The following CYP2J2 variants were observed in gnomAD, a reference collection of about 807,000 sequenced individuals.
CYP2J2 encodes cytochrome P450 family 2 subfamily J member 2, also known as cytochrome P450 2J2.
In CYP2J2, 41 loss-of-function variants were observed where a neutral mutation model predicts 48.8. The ratio of observed to expected loss-of-function variants is 0.84; its 90% CI spans 0.66 to 1.09. The LOEUF (loss-of-function observed/expected upper bound fraction) is 1.09. CYP2J2 is among the 50% of genes least tolerant of loss of function. CYP2J2 has a pLI of 0.00. For synonymous variants in CYP2J2, 221 were observed against 227.1 expected (o/e 0.97, Z 0.24); for missense variants, 644 against 617.3 (o/e 1.04, Z -0.46).
Position 59,909,767 on chromosome 1 carries a change from G to T in CYP2J2, c.861+17C>A, listed in dbSNP as rs2102121441. 3.2e-6 allele frequency: 5 copies of T among 1,557,758 alleles called. No homozygotes were observed. The highest frequency in any genetic ancestry group is 1.7e-4 in the Middle Eastern group (1 of 5,718). On this transcript the variant is annotated intron_variant, in intron 5 of 8. Transcript: ENST00000371204. ...GTGCTCTAAGAACAAAATACAAAAT[G>T]ACTTTGGTTTTCTCACCTTTGACAT...
the CYP2J2 span, among the ~76,000 whole-genome samples, chr1:59,966,247 A>G: frequency 1.3e-5 from 2 of 152,254 alleles, no homozygotes; most frequent in African/African-American, 2.4e-5. Context: ...TAAACTTTTC[A>G]TTAGAGCACT....
the CYP2J2 span, among the ~76,000 whole-genome samples, chr1:59,940,913 T>C: frequency 6.6e-6 from 1 of 152,180 alleles, no homozygotes. Flanking sequence ...CCCACTCATA[T>C]GTGGGAGCTT....
chr1:59,900,349 C>T (rs1247280303), intron 8 of CYP2J2, among the ~76,000 whole-genome samples: 4 of 152,154 alleles, frequency 2.6e-5, no homozygotes, highest in Non-Finnish European at 4.4e-5. Flanking sequence ...AGCACCCGAC[C>T]GGGTGTGGTG....
At chr1:59,896,343 T>C (rs536956801) in intron 8 of CYP2J2, among the ~76,000 whole-genome samples, 17 of 151,424 alleles carry the variant, frequency 1.1e-4, no homozygotes, top group African/African-American at 3.9e-4. Context: ...TATATATATA[T>C]ACACCAAATA....
chr1:59,915,088 C>G (rs1644452986), intron 2 of CYP2J2, among the ~76,000 whole-genome samples: 1 of 152,198 alleles, frequency 6.6e-6, no homozygotes, highest in Non-Finnish European at 1.5e-5. Flanking sequence ...ATTTGTGACA[C>G]AGATTCCTTT....
At chr1:59,945,607 C>T in the CYP2J2 span, among the ~76,000 whole-genome samples, 1 of 151,936 alleles carries the variant, frequency 6.6e-6, no homozygotes, top group Non-Finnish European at 1.5e-5. Flanking sequence ...AGACTTAGTC[C>T]CCATACTTCC....
At chr1:59,911,247 G>A (rs1344184167) in intron 4 of CYP2J2, among the ~76,000 whole-genome samples, 2 of 152,152 alleles carry the variant, frequency 1.3e-5, no homozygotes, top group Non-Finnish European at 2.9e-5. Flanking sequence ...GGATACAGAA[G>A]AGAACCTCTG....
chr1:59,961,401 T>G, the CYP2J2 span, among the ~76,000 whole-genome samples: 6 of 152,080 alleles, frequency 3.9e-5, no homozygotes, highest in African/African-American at 1.4e-4. Flanking sequence ...ATTAGGAAAA[T>G]GCAAATCAAA....
chr1:59,963,588 T>G, the CYP2J2 span, among the ~76,000 whole-genome samples: 1 of 152,234 alleles, frequency 6.6e-6, no homozygotes, highest in Non-Finnish European at 1.5e-5. Flanking sequence ...ATTTATCTAT[T>G]GATGGACATT....
At chr1:59,906,175 G>GA (rs1472978939) in intron 6 of CYP2J2, among the ~76,000 whole-genome samples, 1 of 152,112 alleles carries the variant, frequency 6.6e-6, no homozygotes, top group Admixed American at 6.5e-5. Context: ...GACAGAGCGA[G>GA]AAAAAAGAAT....
At chr1:59,910,746 G>A (rs1442890985) in intron 4 of CYP2J2, among the ~76,000 whole-genome samples, 1 of 152,058 alleles carries the variant, frequency 6.6e-6, no homozygotes, top group Admixed American at 6.6e-5. Flanking sequence ...AATACTTGGG[G>A]TCAACTTCTC....
At chr1:59,952,301 C>T in the CYP2J2 span, among the ~76,000 whole-genome samples, 6 of 148,228 alleles carry the variant, frequency 4.0e-5, no homozygotes, top group Admixed American at 1.3e-4. Context: ...ATTCTCTATG[C>T]GTATGCTTTT....
chr1:59,930,575 C>A (rs1388620067), upstream of CYP2J2, among the ~76,000 whole-genome samples: 3 of 151,898 alleles, frequency 2.0e-5, no homozygotes, highest in Non-Finnish European at 4.4e-5. Flanking sequence ...AGGTTCTTTG[C>A]CAATTTTTAA....
the CYP2J2 span, among the ~76,000 whole-genome samples, chr1:59,939,757 T>A: frequency 4.6e-5 from 7 of 152,204 alleles, no homozygotes; most frequent in Admixed American, 1.3e-4. Context: ...TGACGTTCTA[T>A]TGCACTGCAC....
chr1:59,907,836 G>C lies in CYP2J2; in HGVS notation c.953C>G (p.Thr318Arg). The change falls in exon 6 of 9, where the codon ACA (threonine) becomes AGA (arginine). Residue 318 changes from threonine to arginine, a missense_variant. Transcript: ENST00000371204. ...LFFAGTETTS[T>R]TLRWALLYMA... is the part of the protein sequence containing the mutation. ...ATAAAGCAGAGCCCATCGCAGAGTT[G>C]TGGAAGTTGTCTCGGTTCCGGCAAA... The C allele has an allele frequency of 6.2e-7, 1 of 1,614,120 alleles. No homozygotes were observed. Among genetic ancestry groups the C allele is most frequent in the Non-Finnish European group, 8.5e-7 (1 of 1,179,978 alleles).
At chr1:59,950,249 T>C in the CYP2J2 span, among the ~76,000 whole-genome samples, 1 of 152,198 alleles carries the variant, frequency 6.6e-6, no homozygotes, top group Non-Finnish European at 1.5e-5. Context: ...GACACTGCTC[T>C]TCTCCAGTCA....
rs34692176 is a variant in CYP2J2, at chr1:59,896,304, AATAT to A, written c.1331-2479_1331-2476del. On this transcript the variant is annotated intron_variant, in intron 8 of 8. Coordinates refer to ENST00000371204, the MANE Select transcript of CYP2J2 (RefSeq NM_000775.4). ...AAAGTGTGTGTGTGTACATATATAAAATATATATATATATACACACCAAGTATAT... is the reference window on the plus strand; with the variant it reads ...AAAGTGTGTGTGTGTACATATATAAAATATATATATACACACCAAGTATAT... Among the ~76,000 whole-genome samples the A allele has an allele frequency of 3.3e-5, 5 of 149,318 alleles. No individual in the cohort carries two copies. The South Asian group carries it at 6.4e-4, about 19-fold the overall frequency.
intron 2 of CYP2J2, among the ~76,000 whole-genome samples, chr1:59,914,768 G>A (rs761233460): frequency 2.6e-5 from 4 of 152,188 alleles, no homozygotes; most frequent in Non-Finnish European, 4.4e-5. Context: ...AGACCTGACC[G>A]ACCCCCAGCC....
the CYP2J2 span, among the ~76,000 whole-genome samples, chr1:59,959,584 A>T: frequency 6.6e-6 from 1 of 152,068 alleles, no homozygotes; most frequent in South Asian, 2.1e-4. Context: ...ATATGTATGT[A>T]TGTATGTGTA....
Sources: gnomAD v4.1 joint callset for allele counts (sites outside exome capture counted in the v4.1 genomes callset) on GRCh38, gnomAD v4.1.1 for gene constraint, MANE v1.5 for transcripts, NCBI Gene and HGNC (gene_info 2026-07-23, HGNC 2026-07-21) for gene names.